The following SRPRB variants were observed in gnomAD, a reference collection of about 807,000 sequenced individuals.
The protein encoded by SRPRB is signal recognition particle receptor subunit beta.
Under a neutral mutation model 31.9 loss-of-function variants are expected in SRPRB, and 20 were observed. The observed-to-expected ratio is 0.63, with a 90% CI of 0.44 to 0.91. The LOEUF (loss-of-function observed/expected upper bound fraction) is 0.91, where lower values mean the gene tolerates loss of function less well. Among genes scored for constraint, SRPRB ranks in the 40% least tolerant of loss-of-function variants. SRPRB has a pLI of 0.00. For missense variants in SRPRB, 321 were observed against 324.9 expected, an observed-to-expected ratio of 0.99 and a Z score of 0.09; for synonymous variants, 146 against 132.8, an observed-to-expected ratio of 1.10 and a Z score of -0.68.
upstream of SRPRB, among the ~76,000 whole-genome samples, chr3:133,804,268 C>G (rs1009547977): frequency 6.6e-6 from 1 of 151,974 alleles, no homozygotes; most frequent in African/African-American, 2.4e-5. Context: ...CAGTTCCTCT[C>G]TTTTTCCTTG....
upstream of SRPRB, among the ~76,000 whole-genome samples, chr3:133,804,767 T>G (rs1264993912): frequency 1.3e-5 from 2 of 152,172 alleles, no homozygotes. Context: ...TGCTGACAAC[T>G]TTTTCAATGG....
intron 3 of SRPRB, among the ~76,000 whole-genome samples, chr3:133,809,610 A>G (rs977488258): frequency 4.6e-5 from 7 of 151,960 alleles, no homozygotes; most frequent in African/African-American, 1.7e-4. Context: ...TTAACTTAGG[A>G]TACTCCAGGA....
intron 1 of SRPRB, chr3:133,784,472 AATAAT>A (rs1186186398): frequency 1.8e-4 from 15 of 83,014 alleles, no homozygotes; most frequent in African/African-American, 8.0e-4. Context: ...TTGTTAAAAA[AATAAT>A]AATAATAATA....
At chr3:133,791,872 T>C (rs1033771414) in intron 1 of SRPRB, 1 of 152,214 alleles carries the variant, frequency 6.6e-6, no homozygotes, top group African/African-American at 2.4e-5. Flanking sequence ...ATTAATTAAT[T>C]AGCTTAATAA....
intron 1 of SRPRB, among the ~76,000 whole-genome samples, chr3:133,797,861 G>A (rs1162372703): frequency 6.6e-6 from 1 of 152,160 alleles, no homozygotes; most frequent in Non-Finnish European, 1.5e-5. Context: ...CCTTCTGGGA[G>A]TAATCTTTGT....
At chr3:133,784,623 C>T (rs1934610761) in intron 1 of SRPRB, 1 of 152,020 alleles carries the variant, frequency 6.6e-6, no homozygotes, top group Non-Finnish European at 1.5e-5. Context: ...GCAGGAGTCC[C>T]CAACCCCTGG....
At chr3:133,815,749 T>A (rs1935355143) in intron 5 of SRPRB, 23 bp downstream of exon 5, 1 of 1,608,602 alleles carries the variant, frequency 6.2e-7, no homozygotes, top group Non-Finnish European at 8.5e-7. Flanking sequence ...TTTCTTGCAA[T>A]AATAATTGAG....
chr3:133,790,939 G>A (rs1934815191), intron 1 of SRPRB: 1 of 152,130 alleles, frequency 6.6e-6, no homozygotes, highest in Non-Finnish European at 1.5e-5. Flanking sequence ...AGGGTAGATT[G>A]AGAAGGAAAA....
chr3:133,817,005 CTTTT>C, intron 6 of SRPRB, 73 bp downstream of exon 6: 2 of 1,239,754 alleles, frequency 1.6e-6, no homozygotes, highest in Non-Finnish European at 2.2e-6. Flanking sequence ...ATTCATGTTT[CTTTT>C]GTTTGGTTTT....
At chr3:133,802,725 C>T (rs944000905), upstream of SRPRB, among the ~76,000 whole-genome samples, 1 of 152,170 alleles carries the variant, frequency 6.6e-6, no homozygotes, top group Non-Finnish European at 1.5e-5. Flanking sequence ...TTAATGACCA[C>T]TTATTTATTC....
intron 1 of SRPRB, chr3:133,796,000 A>T (rs1044867120): frequency 3.9e-5 from 6 of 152,326 alleles, no homozygotes; most frequent in Non-Finnish European, 8.8e-5. Flanking sequence ...CCTTAAGGAA[A>T]CACATAGATC....
At chr3:133,804,547 G>C (rs1157635151), upstream of SRPRB, among the ~76,000 whole-genome samples, 1 of 152,126 alleles carries the variant, frequency 6.6e-6, no homozygotes, top group Admixed American at 6.5e-5. Context: ...TCAGTACTAG[G>C]TTGGACAGGG....
At chr3:133,804,209 G>A (rs1935109655), upstream of SRPRB, among the ~76,000 whole-genome samples, 1 of 151,904 alleles carries the variant, frequency 6.6e-6, no homozygotes, top group Non-Finnish European at 1.5e-5. Context: ...TCCTGCCTTG[G>A]CCTCCCAAAG....
intron 4 of SRPRB, among the ~76,000 whole-genome samples, chr3:133,814,544 C>T (rs1935333141): frequency 6.6e-6 from 1 of 152,086 alleles, no homozygotes; most frequent in African/African-American, 2.4e-5. Flanking sequence ...GTTCAAGTAA[C>T]TCTTCTGCCT....
chr3:133,820,017 T>C lies in SRPRB; in HGVS notation c.*251T>C, dbSNP rs1392334567. 2 of 450,790 alleles carry C rather than the reference T, an allele frequency of 4.4e-6. No homozygotes were observed. The highest frequency in any genetic ancestry group is 8.1e-6 in the Non-Finnish European group (2 of 246,762). The allele number at this position is 450,790 out of a possible 1,614,324, so 27.9% of individuals were successfully genotyped here. A position where few individuals can be genotyped will look rare whatever the true frequency, so the allele number is the denominator to read the frequency against. The stretch of plus-strand genomic sequence containing the variant: ...CCTGTATCTTCCCTTTGTTAAGGTG[T>C]AACTTGATGTAGGGTCAAGGTTTTT... On this transcript the variant is annotated 3_prime_UTR_variant, in exon 7 of 7. Transcript: ENST00000678299.
chr3:133,798,698 A>G (rs1935017202), intron 1 of SRPRB, among the ~76,000 whole-genome samples: 1 of 152,194 alleles, frequency 6.6e-6, no homozygotes, highest in African/African-American at 2.4e-5. Flanking sequence ...GTAAAAAAGC[A>G]TGACACATAA....
At chr3:133,827,783 A>C, downstream of SRPRB, 1 of 168,664 alleles carries the variant, frequency 5.9e-6, no homozygotes, top group South Asian at 5.7e-5. Flanking sequence ...ACAGAGGATC[A>C]ACTCCAGGTG....
chr3:133,787,639 C>G (rs1311073763), intron 1 of SRPRB: 1 of 152,136 alleles, frequency 6.6e-6, no homozygotes, highest in African/African-American at 2.4e-5. Context: ...AACAGTGTTA[C>G]TTGTTCATTC....
chr3:133,811,041 AAT>A (rs1935253295), intron 3 of SRPRB, 74 bp from the exon 4 acceptor site: 1 of 1,418,232 alleles, frequency 7.1e-7, no homozygotes, highest in Admixed American at 1.9e-5. Context: ...TTTGGTAGCC[AAT>A]ATATGATACT....
Sources: allele counts gnomAD v4.1 joint callset (sites outside exome capture counted in the v4.1 genomes callset), GRCh38; gene constraint gnomAD v4.1.1; transcripts MANE v1.5; gene names NCBI Gene and HGNC (gene_info 2026-07-23, HGNC 2026-07-21).